PGR: variants seen among roughly 807,000 people sequenced by gnomAD.
PGR encodes the protein nuclear receptor subfamily 3 group C member 3.
In PGR, 25 loss-of-function variants were observed where a neutral mutation model predicts 76.1. The ratio of observed to expected loss-of-function variants is 0.33; its 90% confidence interval spans 0.24 to 0.46. The LOEUF (loss-of-function observed/expected upper bound fraction) is 0.46, where lower values mean the gene tolerates loss of function less well. Ranked by LOEUF, PGR falls within the 20% of genes least tolerant of loss-of-function variation. The pLI is 1.00. For missense variants in PGR, 1,172 were observed against 1,225.3 expected, an observed-to-expected ratio of 0.96 and a Z score of 0.65; for synonymous variants, 579 against 535.0, an observed-to-expected ratio of 1.08 and a Z score of -1.14.
intron 2 of PGR, among the ~76,000 whole-genome samples, chr11:101,107,753 T>C (rs958826363): frequency 1.3e-5 from 2 of 151,846 alleles, no homozygotes; most frequent in East Asian, 1.9e-4. Context: ...CCTAAGTTTA[T>C]CAATGTGTTC....
intron 3 of PGR, among the ~76,000 whole-genome samples, chr11:101,083,044 T>G (rs935361064): frequency 1.3e-5 from 2 of 152,320 alleles, no homozygotes; most frequent in East Asian, 3.9e-4. Flanking sequence ...ATTAATGGTT[T>G]TGAGGGCCAG....
chr11:101,076,998 T>A (rs1372575770), intron 3 of PGR, among the ~76,000 whole-genome samples: 1 of 150,872 alleles, frequency 6.6e-6, no homozygotes, highest in African/African-American at 2.4e-5. Flanking sequence ...CCATTTTCTT[T>A]CTTTGCTACC....
At chr11:101,091,901 T>C in intron 2 of PGR, 25 bp from the exon 3 acceptor site, 2 of 1,092,194 alleles carry the variant, frequency 1.8e-6, no homozygotes, top group South Asian at 2.5e-5. Context: ...TGAGTCAAAA[T>C]TATTTACAAT....
intron 2 of PGR, among the ~76,000 whole-genome samples, chr11:101,098,053 G>T (rs1163411870): frequency 1.3e-5 from 2 of 151,974 alleles, no homozygotes; most frequent in African/African-American, 2.4e-5. Flanking sequence ...TGAGATTACA[G>T]GCGTGAGCCA....
intron 2 of PGR, among the ~76,000 whole-genome samples, chr11:101,122,108 T>C (rs1312956781): frequency 7.6e-6 from 1 of 130,756 alleles, no homozygotes; most frequent in Non-Finnish European, 1.6e-5. Context: ...TGAGCCGAGA[T>C]CACACCACTG....
At chr11:101,076,683 T>C (rs59891301) in intron 3 of PGR, among the ~76,000 whole-genome samples, 2,986 of 151,708 alleles carry the variant, frequency 0.02, 78 homozygotes, top group African/African-American at 0.056. Context: ...AGATTAGAAG[T>C]GAAAGCTTAA....
rs1254595249 is a variant in PGR at position 101,114,828 on chromosome 11, C to A, written c.1789+11179G>T. Among the ~76,000 whole-genome samples, 7 of 152,268 alleles carry A rather than the reference C, an allele frequency of 4.6e-5. No homozygotes were observed. In the East Asian group the frequency reaches 1.4e-3, roughly 29 times the overall value. Reference sequence around the variant, plus strand: ...ACTGTTTTCCTTGTCCCTTACCTTTCTGACATTAATCTTTCCAATATACTG... The same window carrying A: ...ACTGTTTTCCTTGTCCCTTACCTTTATGACATTAATCTTTCCAATATACTG... On this transcript the variant is annotated intron_variant, in intron 2 of 7. Coordinates refer to ENST00000325455, the MANE Select transcript of PGR (RefSeq NM_000926.4).
In PGR at chr11:101,127,501, C is replaced by T; in HGVS notation, c.1570G>A (p.Gly524Ser). The T allele has an allele frequency of 6.5e-7, 1 of 1,547,458 alleles. No homozygotes were observed. The highest frequency in any genetic ancestry group is 8.7e-7 in the Non-Finnish European group (1 of 1,151,078). The part of the protein sequence containing the change: ...ALGLNGLPQL[G>S]YQAAVLKEGL... ...TCCTTGAGCACGGCGGCCTGGTAGC[C>T]GAGCTGCGGGAGCCCGTTGAGGCCG... The change falls in exon 1 of 8, where the codon GGC becomes AGC. Residue 524 changes from glycine to serine, a missense_variant. By Grantham distance (56) the Gly-to-Ser change is moderately conservative. Around this residue, in one of 4 missense-constraint regions of PGR, gnomAD observed 893 missense variants for 785.9 expected, o/e 1.14. Transcript: ENST00000325455.
At chr11:101,055,955 G>A (rs926421489) in intron 4 of PGR, among the ~76,000 whole-genome samples, 2 of 152,144 alleles carry the variant, frequency 1.3e-5, no homozygotes, top group Admixed American at 6.5e-5. Flanking sequence ...ATAGAACTCA[G>A]AAAATAACCT....
chr11:101,055,588 T>TTAAA (rs1232153695), intron 4 of PGR, among the ~76,000 whole-genome samples: 1 of 152,104 alleles, frequency 6.6e-6, no homozygotes, highest in Non-Finnish European at 1.5e-5. Context: ...TTTATAATAT[T>TTAAA]TAAATATTTG....
chr11:101,067,996 G>A (rs1368117727), intron 3 of PGR, among the ~76,000 whole-genome samples: 1 of 152,030 alleles, frequency 6.6e-6, no homozygotes, highest in African/African-American at 2.4e-5. Flanking sequence ...TCTGGAGAAA[G>A]ATAAAGAGGA....
At chr11:101,050,341 C>G (rs1296444632) in intron 5 of PGR, among the ~76,000 whole-genome samples, 1 of 152,088 alleles carries the variant, frequency 6.6e-6, no homozygotes, top group African/African-American at 2.4e-5. Flanking sequence ...TATTATCACA[C>G]TTTAAATACC....
At position 101,103,751 on chromosome 11, in the gene PGR, C is replaced by G. The variant is rs1862065094; in HGVS notation, c.1790-11875G>C. Among the ~76,000 whole-genome samples the G allele has an allele frequency of 2.6e-5, 4 of 152,070 alleles. No individual in the cohort carries two copies. The South Asian group carries it at 8.3e-4, about 32-fold the overall frequency. ...AAATGCATATAGGGTGTTTTTCCTT[C>G]TCATGAAAAATTTTAAAAAATTACC... On this transcript the variant is annotated intron_variant, in intron 2 of 7. Coordinates refer to ENST00000325455, the MANE Select transcript of PGR (RefSeq NM_000926.4).
chr11:101,107,144 T>C (rs1464350683), intron 2 of PGR, among the ~76,000 whole-genome samples: 1 of 152,126 alleles, frequency 6.6e-6, no homozygotes, highest in Non-Finnish European at 1.5e-5. Flanking sequence ...CAAACCACCA[T>C]GGCACGTGTA....
intron 3 of PGR, among the ~76,000 whole-genome samples, chr11:101,086,166 T>C (rs1424623159): frequency 1.3e-5 from 2 of 152,132 alleles, no homozygotes; most frequent in African/African-American, 4.8e-5. Context: ...TATAGGACAA[T>C]ATCTCTGATA....
chr11:101,113,453 A>C (rs1862407206), intron 2 of PGR, among the ~76,000 whole-genome samples: 1 of 150,440 alleles, frequency 6.6e-6, no homozygotes. Context: ...TTTTTAGTAG[A>C]GACGGGGTTT....
chr11:101,123,365 T>C (rs1390230407), intron 2 of PGR, among the ~76,000 whole-genome samples: 1 of 152,200 alleles, frequency 6.6e-6, no homozygotes, highest in African/African-American at 2.4e-5. Context: ...CAGCGCCACC[T>C]TGAACCAGCT....
chr11:101,051,533 G>A lies in PGR; in HGVS notation c.2248C>T (p.Leu750Phe). The change falls in exon 5 of 8, where the codon CTC (leucine) becomes TTC (phenylalanine). Residue 750 changes from leucine (L) to phenylalanine (F), a missense_variant. By Grantham distance (22) the Leu-to-Phe change is conservative. Around this residue, in one of 4 missense-constraint regions of PGR, gnomAD observed 166 missense variants for 296.0 expected, o/e 0.56. Coordinates refer to ENST00000325455, the MANE Select transcript of PGR (RefSeq NM_000926.4). Reference sequence around the variant, plus strand: ...AAGCTCATCCAAGAATACTGAATGAGAGTTATCTGGTCATCAATATGTAAG... The same window carrying A: ...AAGCTCATCCAAGAATACTGAATGAAAGTTATCTGGTCATCAATATGTAAG... Reference protein sequence around the residue: ...RNLHIDDQITLIQYSWMSLMV... With the variant: ...RNLHIDDQITFIQYSWMSLMV... 1 of 1,609,532 alleles carries A rather than the reference G, an allele frequency of 6.2e-7. No homozygotes were observed. Among genetic ancestry groups the A allele is most frequent in the Non-Finnish European group, 8.5e-7 (1 of 1,176,228 alleles).
chr11:101,089,918 G>A (rs1353019521), intron 3 of PGR, among the ~76,000 whole-genome samples: 1 of 152,178 alleles, frequency 6.6e-6, no homozygotes, highest in African/African-American at 2.4e-5. Context: ...TATGCTAAAG[G>A]CCGGGTGCAG....
Sources: gnomAD v4.1 joint callset for allele counts (sites outside exome capture counted in the v4.1 genomes callset) on GRCh38, gnomAD v4.1.1 for gene constraint, gnomAD v4.1.1 regional missense constraint, MANE v1.5 for transcripts, NCBI Gene and HGNC (gene_info 2026-07-23, HGNC 2026-07-21) for gene names.